Variants in FBXO42 observed in about 807,000 individuals in gnomAD.
FBXO42 encodes the protein F-box protein 42, also known as F-box only protein 42.
A neutral mutation model predicts 71.7 loss-of-function variants in FBXO42; 12 were observed. That is an observed-to-expected ratio of 0.17 (90% CI 0.11 to 0.27). The LOEUF (loss-of-function observed/expected upper bound fraction) is 0.27. Ranked by LOEUF, FBXO42 falls within the 10% of genes least tolerant of loss-of-function variation. The pLI, the probability that FBXO42 is intolerant of heterozygous loss-of-function variation, is 1.00. For missense variants in FBXO42, 707 were observed against 911.9 expected, an observed-to-expected ratio of 0.78 and a Z score of 2.89; for synonymous variants, 325 against 327.5, an observed-to-expected ratio of 0.99 and a Z score of 0.08.
chr1:16,308,730 C>T (rs1309290710), intron 2 of FBXO42, among the ~76,000 whole-genome samples: 2 of 149,590 alleles, frequency 1.3e-5, no homozygotes, highest in Admixed American at 6.9e-5. Context: ...GGCTGGGAGA[C>T]CCCATCTCTG....
intron 4 of FBXO42, among the ~76,000 whole-genome samples, chr1:16,283,494 GTTTTTT>G (rs386366300): frequency 3.7e-5 from 3 of 80,988 alleles, no homozygotes; most frequent in African/African-American, 1.3e-4. Flanking sequence ...ACTGTGGCAA[GTTTTTT>G]TTTTTTTTTT....
chr1:16,283,822 T>C (rs925165184), intron 4 of FBXO42, among the ~76,000 whole-genome samples: 2 of 152,264 alleles, frequency 1.3e-5, no homozygotes, highest in South Asian at 2.1e-4. Flanking sequence ...CTGAAATTTG[T>C]TCCCTTTTTG....
chr1:16,308,115 A>C (rs1000099011), intron 2 of FBXO42, among the ~76,000 whole-genome samples: 6 of 152,292 alleles, frequency 3.9e-5, no homozygotes, highest in African/African-American at 1.4e-4. Context: ...CAGAATAGAG[A>C]GCCAAGAAAT....
chr1:16,261,402 G>A (rs1437705821), intron 4 of FBXO42, among the ~76,000 whole-genome samples: 1 of 152,168 alleles, frequency 6.6e-6, no homozygotes, highest in Non-Finnish European at 1.5e-5. Flanking sequence ...CTTTTAGAAA[G>A]GCAAAATCTT....
intron 4 of FBXO42, among the ~76,000 whole-genome samples, chr1:16,266,027 G>C (rs1235905303): frequency 1.3e-5 from 2 of 152,070 alleles, no homozygotes; most frequent in Non-Finnish European, 1.5e-5. Context: ...GGGAGAAACT[G>C]ACTTATTTAT....
chr1:16,338,462 T>C (rs2082573667), intron 1 of FBXO42, among the ~76,000 whole-genome samples: 1 of 152,146 alleles, frequency 6.6e-6, no homozygotes, highest in South Asian at 2.1e-4. Context: ...TCCTACCTTT[T>C]ATTGTTATCC....
At chr1:16,309,531 A>G (rs1219767488) in intron 2 of FBXO42, among the ~76,000 whole-genome samples, 2 of 152,236 alleles carry the variant, frequency 1.3e-5, no homozygotes, top group African/African-American at 4.8e-5. Context: ...CTCGAAGATA[A>G]CAGGAGAAAA....
chr1:16,343,131 C>T (rs889628966), intron 1 of FBXO42, among the ~76,000 whole-genome samples: 15 of 152,226 alleles, frequency 9.9e-5, no homozygotes, highest in Middle Eastern at 6.8e-3. Context: ...CATCTTTTGC[C>T]CTTCTGGTGT....
intron 1 of FBXO42, among the ~76,000 whole-genome samples, chr1:16,338,354 C>A (rs1019136913): frequency 7.1e-4 from 77 of 108,110 alleles, no homozygotes; most frequent in African/African-American, 9.8e-4. Flanking sequence ...GCCCTATCTC[C>A]AAAAAAAAAA....
chr1:16,273,274 C>T (rs1490402003), intron 4 of FBXO42, among the ~76,000 whole-genome samples: 1 of 152,168 alleles, frequency 6.6e-6, no homozygotes, highest in Non-Finnish European at 1.5e-5. Context: ...GCCTCCTTCC[C>T]TCCTACAATA....
intron 1 of FBXO42, among the ~76,000 whole-genome samples, chr1:16,344,993 G>A (rs892133985): frequency 4.0e-5 from 6 of 151,608 alleles, no homozygotes; most frequent in Admixed American, 6.6e-5. Context: ...TAGCTACTCC[G>A]GAGGCTGAGG....
At chr1:16,290,670 T>G in intron 4 of FBXO42, among the ~76,000 whole-genome samples, 1 of 100,524 alleles carries the variant, frequency 9.9e-6, no homozygotes, top group South Asian at 2.8e-4. Context: ...CCAACCTGGG[T>G]GACAGAGTGA....
chr1:16,327,996 C>T (rs555876715), intron 1 of FBXO42, among the ~76,000 whole-genome samples: 5 of 152,250 alleles, frequency 3.3e-5, no homozygotes, highest in African/African-American at 1.2e-4. Context: ...CCACTTTGCC[C>T]AGCCAGGACA....
At chr1:16,351,557 C>T (rs1387565796) in intron 1 of FBXO42, among the ~76,000 whole-genome samples, 1 of 152,160 alleles carries the variant, frequency 6.6e-6, no homozygotes, top group African/African-American at 2.4e-5. Context: ...TTCAAACGAA[C>T]TCAGCGCTGA....
intron 4 of FBXO42, among the ~76,000 whole-genome samples, chr1:16,284,304 A>C (rs1017664365): frequency 1.3e-5 from 2 of 152,150 alleles, no homozygotes; most frequent in African/African-American, 4.8e-5. Flanking sequence ...TCAATAGAGA[A>C]CTTCCACCAG....
At chr1:16,303,451 T>C (rs1335920962) in intron 3 of FBXO42, among the ~76,000 whole-genome samples, 3 of 152,200 alleles carry the variant, frequency 2.0e-5, no homozygotes, top group Non-Finnish European at 4.4e-5. Flanking sequence ...ACTTTACAGA[T>C]TTCTTACAGA....
At chr1:16,254,739 A>G (rs1425951751) in intron 6 of FBXO42, among the ~76,000 whole-genome samples, 3 of 152,206 alleles carry the variant, frequency 2.0e-5, no homozygotes, top group Admixed American at 2.0e-4. Flanking sequence ...GGGAATGACC[A>G]CAACTGCTGC....
chr1:16,268,294 C>T (rs2081800898), intron 4 of FBXO42, among the ~76,000 whole-genome samples: 1 of 152,138 alleles, frequency 6.6e-6, no homozygotes, highest in South Asian at 2.1e-4. Flanking sequence ...CCTGGGAGGA[C>T]TAAAAGTTAC....
intron 1 of FBXO42, among the ~76,000 whole-genome samples, chr1:16,341,083 G>A (rs2082600238): frequency 1.3e-5 from 2 of 152,122 alleles, no homozygotes; most frequent in Non-Finnish European, 2.9e-5. Context: ...GTTCCAATAT[G>A]GAATGATCTC....
Sources: gnomAD v4.1 joint callset for allele counts (sites outside exome capture counted in the v4.1 genomes callset) on GRCh38, gnomAD v4.1.1 for gene constraint, MANE v1.5 for transcripts, NCBI Gene and HGNC (gene_info 2026-07-23, HGNC 2026-07-21) for gene names.